The following SLC71A2 variants were observed in gnomAD, a reference collection of about 807,000 sequenced individuals.
The protein encoded by SLC71A2 is solute carrier family 71 member 2.
chr9:94,408,154 T>C, the SLC71A2 span, among the ~76,000 whole-genome samples: 1 of 152,212 alleles, frequency 6.6e-6, no homozygotes, highest in African/African-American at 2.4e-5. Context: ...TTTTTCAACT[T>C]TACCTTGATG....
At chr9:94,445,788 C>CA in the SLC71A2 span, among the ~76,000 whole-genome samples, 2 of 151,948 alleles carry the variant, frequency 1.3e-5, no homozygotes, top group Non-Finnish European at 2.9e-5. Context: ...AGTTTGTAGA[C>CA]AAAAAAAGAA....
At chr9:94,420,086 T>C in the SLC71A2 span, among the ~76,000 whole-genome samples, 10 of 152,190 alleles carry the variant, frequency 6.6e-5, no homozygotes, top group East Asian at 1.3e-3. Context: ...AATCTCTGTA[T>C]GTGCAGCTTC....
the SLC71A2 span, among the ~76,000 whole-genome samples, chr9:94,387,178 G>C: frequency 6.6e-6 from 1 of 151,914 alleles, no homozygotes; most frequent in African/African-American, 2.4e-5. Context: ...GCACTTCCTA[G>C]GAAAGGCACT....
At chr9:94,445,101 T>G in the SLC71A2 span, 1 of 1,614,226 alleles carries the variant, frequency 6.2e-7, no homozygotes. Context: ...TCTTAGTGGC[T>G]GTTCCAGAAT....
chr9:94,401,736 C>T, the SLC71A2 span, among the ~76,000 whole-genome samples: 1 of 151,726 alleles, frequency 6.6e-6, no homozygotes, highest in Non-Finnish European at 1.5e-5. Flanking sequence ...AAAGGGGTCC[C>T]AATCCAGACT....
At chr9:94,441,106 T>A in the SLC71A2 span, 2 of 1,426,348 alleles carry the variant, frequency 1.4e-6, no homozygotes, top group Non-Finnish European at 2.0e-6. Context: ...ATGGGTAAGA[T>A]AATAGACTAT....
the SLC71A2 span, among the ~76,000 whole-genome samples, chr9:94,450,507 T>TTTTTTTTTTTTTTTTTTTTTTTTTTTTTC: frequency 3.6e-5 from 5 of 137,220 alleles, no homozygotes; most frequent in Admixed American, 7.3e-5. Context: ...TTTTTTTTTT[T>TTTTTTTTTTTTTTTTTTTTTTTTTTTTTC]GAGATGGAGT....
At chr9:94,443,234 A>C in the SLC71A2 span, among the ~76,000 whole-genome samples, 1 of 152,082 alleles carries the variant, frequency 6.6e-6, no homozygotes, top group Non-Finnish European at 1.5e-5. Context: ...CATTGAGAGC[A>C]ATCAGTGAGC....
chr9:94,455,343 A>AT, the SLC71A2 span, among the ~76,000 whole-genome samples: 22,312 of 98,602 alleles, frequency 0.23, 2,219 homozygotes, highest in Middle Eastern at 0.37. Flanking sequence ...TAATATTTTG[A>AT]TTTTTTTTTT....
chr9:94,391,372 AAAAAAGG>A, the SLC71A2 span, among the ~76,000 whole-genome samples: 1 of 151,288 alleles, frequency 6.6e-6, no homozygotes, highest in Non-Finnish European at 1.5e-5. Context: ...TAAAAAAAAA[AAAAAAGG>A]AAAAAGGAAA....
At chr9:94,452,077 T>C in the SLC71A2 span, among the ~76,000 whole-genome samples, 2 of 152,244 alleles carry the variant, frequency 1.3e-5, no homozygotes, top group African/African-American at 4.8e-5. Flanking sequence ...TTTTAGAATA[T>C]TTGTCGTAAC....
chr9:94,409,026 G>T, the SLC71A2 span, among the ~76,000 whole-genome samples: 1 of 150,696 alleles, frequency 6.6e-6, no homozygotes, highest in Non-Finnish European at 1.5e-5. Context: ...GTAGAGATGG[G>T]GTTTTACCAT....
the SLC71A2 span, among the ~76,000 whole-genome samples, chr9:94,440,439 TA>T: frequency 6.6e-6 from 1 of 151,930 alleles, no homozygotes; most frequent in Non-Finnish European, 1.5e-5. Flanking sequence ...ATAATTATAT[TA>T]ATAGATTTTT....
the SLC71A2 span, among the ~76,000 whole-genome samples, chr9:94,408,548 T>A: frequency 6.6e-6 from 1 of 152,096 alleles, no homozygotes; most frequent in African/African-American, 2.4e-5. Context: ...TATAGGTCTA[T>A]TTATATTTTC....
chr9:94,381,288 G>A, the SLC71A2 span, among the ~76,000 whole-genome samples: 1 of 150,676 alleles, frequency 6.6e-6, no homozygotes, highest in Non-Finnish European at 1.5e-5. Flanking sequence ...CGCCCGCCTC[G>A]GCCTCCCAAA....
the SLC71A2 span, chr9:94,456,120 A>G: frequency 2.1e-5 from 13 of 619,450 alleles, no homozygotes; most frequent in African/African-American, 2.4e-4. Context: ...AAGAGGAAAA[A>G]ATAAATAAAA....
the SLC71A2 span, among the ~76,000 whole-genome samples, chr9:94,443,011 A>G: frequency 1.3e-5 from 2 of 152,186 alleles, no homozygotes; most frequent in African/African-American, 4.8e-5. Context: ...AGCATGGGAA[A>G]TACCTGTTGA....
the SLC71A2 span, among the ~76,000 whole-genome samples, chr9:94,377,357 A>C: frequency 1.1e-3 from 156 of 147,322 alleles, no homozygotes; most frequent in Non-Finnish European, 1.9e-3. Flanking sequence ...TGTCCAGCTG[A>C]TAACTTTTTT....
chr9:94,417,997 C>G, the SLC71A2 span, among the ~76,000 whole-genome samples: 1 of 151,508 alleles, frequency 6.6e-6, no homozygotes, highest in African/African-American at 2.4e-5. Context: ...GCTGGAATTA[C>G]AGGCTTGTGC....
Sources: allele counts gnomAD v4.1 joint callset (sites outside exome capture counted in the v4.1 genomes callset), GRCh38; gene constraint gnomAD v4.1.1; transcripts MANE v1.5; gene names NCBI Gene and HGNC (gene_info 2026-07-23, HGNC 2026-07-21).